The following UQCC1 variants were observed in gnomAD, a reference collection of about 807,000 sequenced individuals.
UQCC1 encodes the protein ubiquinol-cytochrome c reductase complex assembly factor 1.
A neutral mutation model predicts 48.0 loss-of-function variants in UQCC1; 38 were observed. That is an observed-to-expected ratio of 0.79 (90% confidence interval 0.61 to 1.04). The LOEUF is 1.04. Among genes scored for constraint, UQCC1 ranks in the 50% least tolerant of loss-of-function variants. The probability of loss-of-function intolerance (pLI) is 0.00; values close to 1 mark genes in which losing one functional copy is unlikely to be tolerated. For synonymous variants in UQCC1, 111 were observed against 129.2 expected, an observed-to-expected ratio of 0.86 and a Z score of 0.95; for missense variants, 368 against 381.8, an observed-to-expected ratio of 0.96 and a Z score of 0.30.
At chr20:35,406,027 G>C (rs958666462) in intron 1 of UQCC1, among the ~76,000 whole-genome samples, 3 of 151,340 alleles carry the variant, frequency 2.0e-5, no homozygotes, top group African/African-American at 7.3e-5. Context: ...CCAGTCCAAG[G>C]AACAGAAAGA....
intron 1 of UQCC1, among the ~76,000 whole-genome samples, chr20:35,402,440 T>C (rs2062178354): frequency 6.6e-6 from 1 of 151,616 alleles, no homozygotes; most frequent in Non-Finnish European, 1.5e-5. Context: ...TAGCCGGGTG[T>C]GGTGGTGGGC....
chr20:35,363,207 G>A (rs1037668818), intron 6 of UQCC1, among the ~76,000 whole-genome samples: 14 of 152,148 alleles, frequency 9.2e-5, no homozygotes, highest in Admixed American at 4.6e-4. Flanking sequence ...TTAGGTGACT[G>A]AGCAGGTGAA....
chr20:35,406,981 T>C (rs2062260884), intron 1 of UQCC1, among the ~76,000 whole-genome samples: 1 of 152,194 alleles, frequency 6.6e-6, no homozygotes, highest in African/African-American at 2.4e-5. Flanking sequence ...TCATAAAATA[T>C]AGTAAAAGCT....
intron 6 of UQCC1, among the ~76,000 whole-genome samples, chr20:35,355,676 TG>T (rs1051515355): frequency 6.6e-6 from 1 of 152,168 alleles, no homozygotes; most frequent in African/African-American, 2.4e-5. Flanking sequence ...AGGTAATACA[TG>T]TACATAGTAA....
At chr20:35,370,132 C>T (rs1370913814) in intron 5 of UQCC1, among the ~76,000 whole-genome samples, 1 of 152,166 alleles carries the variant, frequency 6.6e-6, no homozygotes, top group Non-Finnish European at 1.5e-5. Context: ...TCTCAGGACT[C>T]CAAAAGTTAA....
At chr20:35,404,328 C>T (rs2062215924) in intron 1 of UQCC1, among the ~76,000 whole-genome samples, 1 of 150,800 alleles carries the variant, frequency 6.6e-6, no homozygotes, top group East Asian at 2.0e-4. Flanking sequence ...CGAGATTGCA[C>T]CACTGCACTC....
intron 3 of UQCC1, among the ~76,000 whole-genome samples, chr20:35,383,687 C>A (rs1303114495): frequency 6.6e-6 from 1 of 152,074 alleles, no homozygotes; most frequent in Admixed American, 6.6e-5. Flanking sequence ...CTGGTCTCTA[C>A]AAAAATTTAA....
intron 1 of UQCC1, among the ~76,000 whole-genome samples, chr20:35,401,498 T>G (rs543631903): frequency 1.3e-5 from 2 of 152,134 alleles, no homozygotes; most frequent in Non-Finnish European, 2.9e-5. Flanking sequence ...ACACACACAT[T>G]GGCAGCTCAA....
chr20:35,340,783 A>C (rs938348626), intron 7 of UQCC1, among the ~76,000 whole-genome samples: 1 of 152,224 alleles, frequency 6.6e-6, no homozygotes, highest in Non-Finnish European at 1.5e-5. Flanking sequence ...AAAACAGTAA[A>C]ATTTTTATAT....
chr20:35,405,016 G>C (rs887366417), intron 1 of UQCC1, among the ~76,000 whole-genome samples: 3 of 152,158 alleles, frequency 2.0e-5, no homozygotes, highest in African/African-American at 7.2e-5. Context: ...CCAAAGCTGT[G>C]CACATGCTCA....
At chr20:35,406,417 A>C (rs2062251363) in intron 1 of UQCC1, among the ~76,000 whole-genome samples, 1 of 152,218 alleles carries the variant, frequency 6.6e-6, no homozygotes, top group African/African-American at 2.4e-5. Context: ...TCTTCTCAGA[A>C]ACTGTAGCAG....
intron 1 of UQCC1, among the ~76,000 whole-genome samples, chr20:35,396,364 C>T (rs762063441): frequency 3.2e-4 from 46 of 142,652 alleles, no homozygotes; most frequent in Non-Finnish European, 6.0e-4. Context: ...AGTCATGGTG[C>T]TAACATTGCA....
chr20:35,329,564 G>T (rs1352306924), intron 7 of UQCC1, among the ~76,000 whole-genome samples: 1 of 152,184 alleles, frequency 6.6e-6, no homozygotes, highest in East Asian at 1.9e-4. Context: ...GGGAAACAAA[G>T]TGAGAAAAGA....
At chr20:35,384,929 T>C (rs2061920473) in intron 2 of UQCC1, among the ~76,000 whole-genome samples, 1 of 126,528 alleles carries the variant, frequency 7.9e-6, no homozygotes, top group Admixed American at 1.1e-4. Context: ...ATCATGCCAC[T>C]GCACTCCAGC....
At chr20:35,358,880 C>T (rs1317981724) in intron 6 of UQCC1, among the ~76,000 whole-genome samples, 1 of 152,090 alleles carries the variant, frequency 6.6e-6, no homozygotes, top group East Asian at 1.9e-4. Flanking sequence ...CTTAAACCCA[C>T]AATTTATTAT....
intron 4 of UQCC1, among the ~76,000 whole-genome samples, chr20:35,378,273 AG>A (rs967919317): frequency 2.6e-5 from 4 of 152,230 alleles, no homozygotes; most frequent in African/African-American, 9.6e-5. Flanking sequence ...AACATCCTAC[AG>A]GATGAAAAAC....
chr20:35,372,647 T>A (rs6142359), intron 5 of UQCC1, among the ~76,000 whole-genome samples: 2 of 152,066 alleles, frequency 1.3e-5, no homozygotes, highest in African/African-American at 4.8e-5. Context: ...AGGTGGATCA[T>A]GTGAGGCCAA....
chr20:35,399,026 G>C (rs1228332992), intron 1 of UQCC1, among the ~76,000 whole-genome samples: 1 of 152,158 alleles, frequency 6.6e-6, no homozygotes, highest in East Asian at 1.9e-4. Context: ...GTAACAGAAA[G>C]GGTAATCCCA....
At chr20:35,406,535 G>T (rs1314839781) in intron 1 of UQCC1, among the ~76,000 whole-genome samples, 2 of 152,134 alleles carry the variant, frequency 1.3e-5, no homozygotes, top group African/African-American at 4.8e-5. Flanking sequence ...AAAAAATGAA[G>T]ATTTCCCAGA....
Sources: allele counts gnomAD v4.1 joint callset (sites outside exome capture counted in the v4.1 genomes callset), GRCh38; gene constraint gnomAD v4.1.1; transcripts MANE v1.5; gene names NCBI Gene and HGNC (gene_info 2026-07-23, HGNC 2026-07-21).